Variants in DSPP observed in about 807,000 individuals in gnomAD.
DSPP encodes deafness, autosomal dominant 39.
Under a neutral mutation model 29.1 loss-of-function variants are expected in DSPP, and 28 were observed. The observed-to-expected ratio is 0.96, with a 90% CI of 0.71 to 1.32. The LOEUF is 1.32. Ranked by LOEUF, DSPP falls within the 40% of genes most tolerant of loss-of-function variation. DSPP has a pLI of 0.00. For missense variants in DSPP, 1,281 were observed against 1,629.9 expected (o/e 0.79, Z 3.69); for synonymous variants, 481 against 503.4 (o/e 0.96, Z 0.60).
At chr4:87,612,284 A>G (rs1727748870) in intron 3 of DSPP, 38 bp from the exon 4 acceptor site, 1 of 1,613,288 alleles carries the variant, frequency 6.2e-7, no homozygotes, top group Non-Finnish European at 8.5e-7. Flanking sequence ...CTTCAAGATC[A>G]TTGATACTTA....
Position 87,613,790 on chromosome 4 carries a change from A to C in DSPP, c.1128A>C (p.Ile376=). 2 of 1,614,218 alleles carry C rather than the reference A, an allele frequency of 1.2e-6. No homozygotes were observed. The highest frequency in any genetic ancestry group is 1.7e-6 in the Non-Finnish European group (2 of 1,180,012). ...HAVGKSQDKG[I]EIKGPSSGNR... is the part of the protein sequence containing the mutation. ...TTTCCTCCATCCTTCCATAGGGAAT[A>C]GAAATCAAGGGTCCCAGCAGTGGCA... Residue 376 remains isoleucine (I), a synonymous_variant, in exon 5 of 5, where the codon ATA becomes ATC. Transcript: ENST00000651931.
At chr4:87,611,060 T>TGC (rs1027349337) in intron 2 of DSPP, 101 bp downstream of exon 2, 57 of 1,147,138 alleles carry the variant, frequency 5.0e-5, no homozygotes, top group Non-Finnish European at 7.1e-5. Context: ...TGTGTGTGTG[T>TGC]GTGCATGTAC....
chr4:87,616,719 T>C lies in DSPP; in HGVS notation c.*151T>C. Reference sequence around the variant, plus strand: ...GGGGGAATCAAATCAAACAGTTGGATTCAGAACCAAGACCTAACTCCTGCA... The same window carrying C: ...GGGGGAATCAAATCAAACAGTTGGACTCAGAACCAAGACCTAACTCCTGCA... On this transcript the variant is annotated 3_prime_UTR_variant, in exon 5 of 5. Transcript: ENST00000651931. 4 of 1,338,600 alleles carry C rather than the reference T, an allele frequency of 3.0e-6. No individual in the cohort carries two copies. The highest frequency in any genetic ancestry group is 4.1e-6 in the Non-Finnish European group (4 of 973,640). The allele number at this position is 1,338,600 out of a possible 1,614,324, so 82.9% of individuals were successfully genotyped here. A position where few individuals can be genotyped will look rare whatever the true frequency, so the allele number is the denominator to read the frequency against.
At position 87,616,118 on chromosome 4, in the gene DSPP, C is replaced by G; in HGVS notation, c.3456C>G (p.Asp1152Glu). ...SDSSDSSESS[D>E]SSDSSDSSDS... The stretch of plus-strand genomic sequence containing the variant: ...GCAGTGACAGCAGTGAAAGCAGCGA[C>G]AGCAGTGACAGCAGCGACAGCAGTG... The change falls in exon 5 of 5, where the codon GAC (aspartate) becomes GAG (glutamate). Residue 1152 changes from aspartate to glutamate, a missense_variant. Coordinates refer to ENST00000651931, the MANE Select transcript of DSPP (RefSeq NM_014208.3). 6.8e-7 allele frequency: 1 copy of G among 1,472,804 alleles called. No individual in the cohort carries two copies. Among genetic ancestry groups the G allele is most frequent in the Non-Finnish European group, 9.2e-7 (1 of 1,089,126 alleles). The allele number at this position is 1,472,804 out of a possible 1,614,324, so 91.2% of individuals were successfully genotyped here. A position where few individuals can be genotyped will look rare whatever the true frequency, so the allele number is the denominator to read the frequency against.
intron 3 of DSPP, 51 bp from the exon 4 acceptor site, chr4:87,612,271 T>C (rs752435946): frequency 6.2e-7 from 1 of 1,612,956 alleles, no homozygotes; most frequent in South Asian, 1.1e-5. Flanking sequence ...GCAATTTGCT[T>C]TCCTTCAAGA....
Position 87,610,940 on chromosome 4 carries a change from C to T in DSPP, c.32C>T (p.Ala11Val). MKIITYFCIW[A>V]VAWAIPVPQS... ...ATAATTACATATTTTTGCATTTGGG[C>T]AGTAGCATGGGCCATTCCAGTAAGT... Residue 11 changes from alanine (A) to valine (V), a missense_variant, in exon 2 of 5, where the codon GCA becomes GTA. Transcript: ENST00000651931. 1 of 1,613,254 alleles carries T rather than the reference C, an allele frequency of 6.2e-7. No individual in the cohort carries two copies. Among genetic ancestry groups the T allele is most frequent in the Non-Finnish European group, 8.5e-7 (1 of 1,179,592 alleles).
At chr4:87,609,643 C>T (rs975958366) in intron 1 of DSPP, among the ~76,000 whole-genome samples, 4 of 152,140 alleles carry the variant, frequency 2.6e-5, no homozygotes, top group South Asian at 2.1e-4. Context: ...TGTGAGAAAA[C>T]GCCAGTAATT....
chr4:87,613,988 T>C lies in DSPP; in HGVS notation c.1326T>C (p.Gly442=), dbSNP rs117746821. The C allele has an allele frequency of 1.1e-3, 1,834 of 1,614,156 alleles. 43 individuals carry two copies. In the East Asian group the frequency reaches 0.036, roughly 32 times the overall value. The stretch of plus-strand genomic sequence containing the variant: ...ATAAAGTTGGACACAGCAATACAGG[T>C]AGTGACAGCAATAGTGATGGATATG... ...PGNKVGHSNT[G]SDSNSDGYDS... is the part of the protein sequence containing the mutation. The change falls in exon 5 of 5, where the codon GGT becomes GGC. Residue 442 remains glycine (G), a synonymous_variant. Transcript: ENST00000651931.
chr4:87,612,738 T>C lies in DSPP; in HGVS notation c.552T>C (p.Pro184=), dbSNP rs1727761566. 6.2e-7 allele frequency: 1 copy of C among 1,614,136 alleles called. No individual in the cohort carries two copies. The highest frequency in any genetic ancestry group is 2.2e-5 in the East Asian group (1 of 44,880). The stretch of plus-strand genomic sequence containing the variant: ...TCGCTGTTGTCCAAGAAGATGGACC[T>C]CAAGTAGCTGGAAGCAATAACAGTA... The part of the protein sequence containing the change: ...EDVAVVQEDG[P]QVAGSNNSTD... The change falls in exon 4 of 5, where the codon CCT becomes CCC. Residue 184 remains proline (P), a synonymous_variant. Coordinates refer to ENST00000651931, the MANE Select transcript of DSPP (RefSeq NM_014208.3).
chr4:87,615,570 GAT>G lies in DSPP; in HGVS notation c.2910_2911del (p.Asp970GlufsTer3). 1 of 1,539,718 alleles carries G rather than the reference GAT, an allele frequency of 6.5e-7. No individual in the cohort carries two copies. The highest frequency in any genetic ancestry group is 8.7e-7 in the Non-Finnish European group (1 of 1,143,364). ...SDSSNSSDSS[D>X]SNSSDSSDSS... ...CAGCAGCAACAGCAGTGACAGCAGT[GAT>G]AGCAATAGCAGCGACAGCAGTGACA... On this transcript the variant is annotated frameshift_variant, in exon 5 of 5. Coordinates refer to ENST00000651931, the MANE Select transcript of DSPP (RefSeq NM_014208.3). LOFTEE classifies it low-confidence loss of function (END_TRUNC).
Position 87,616,844 on chromosome 4 carries a change from T to C in DSPP, c.*276T>C. ...TGTAAATCTAAACATAAAAGAACAATTAAAATATTCTTTAATACTTCACAC... is the reference window on the plus strand; with the variant it reads ...TGTAAATCTAAACATAAAAGAACAACTAAAATATTCTTTAATACTTCACAC... On this transcript the variant is annotated 3_prime_UTR_variant, in exon 5 of 5. Transcript: ENST00000651931. 3.2e-6 allele frequency: 2 copies of C among 619,640 alleles called. No individual in the cohort carries two copies. The highest frequency in any genetic ancestry group is 6.0e-5 in the Admixed American group (2 of 33,566). The allele number at this position is 619,640 out of a possible 1,614,324, so 38.4% of individuals were successfully genotyped here.
In DSPP at chr4:87,612,832, C is replaced by G; in HGVS notation, c.646C>G (p.Gln216Glu). The G allele has an allele frequency of 1.9e-6, 3 of 1,614,098 alleles. No individual in the cohort carries two copies. Residue 216 changes from glutamine (Q) to glutamate (E), a missense_variant, in exon 4 of 5, where the codon CAG becomes GAG. Coordinates refer to ENST00000651931, the MANE Select transcript of DSPP (RefSeq NM_014208.3). ...NEGNTSEITP[Q>E]INSKRNGTKE... Reference sequence around the variant, plus strand: ...GGGTAATACAAGTGAAATAACACCTCAGATCAACAGCAAGAGAAATGGGAC... The same window carrying G: ...GGGTAATACAAGTGAAATAACACCTGAGATCAACAGCAAGAGAAATGGGAC...
At chr4:87,613,351 C>A (rs757607569) in intron 4 of DSPP, 43 bp downstream of exon 4, 2 of 1,601,662 alleles carry the variant, frequency 1.2e-6, no homozygotes, top group South Asian at 2.2e-5. Flanking sequence ...AGTTTAAATT[C>A]TTCCCCTCCA....
intron 2 of DSPP, among the ~76,000 whole-genome samples, chr4:87,611,800 C>T (rs568502987): frequency 2.0e-5 from 3 of 152,270 alleles, no homozygotes; most frequent in South Asian, 2.1e-4. Flanking sequence ...TCTATCCCCT[C>T]GTCTTTCTAC....
At position 87,614,621 on chromosome 4, in the gene DSPP, C is replaced by G. The variant is rs1159309562; in HGVS notation, c.1959C>G (p.Asn653Lys). 5 of 1,546,910 alleles carry G rather than the reference C, an allele frequency of 3.2e-6. No homozygotes were observed. The African/African-American group carries it at 5.5e-5, about 17-fold the overall frequency. ...SDSNSSDSSDNSDSSDSSNSS... is the reference protein window; with the variant it reads ...SDSNSSDSSDKSDSSDSSNSS... ...GCAACAGCAGTGACAGTAGTGACAA[C>G]AGTGATAGCAGCGACAGCAGCAATA... Residue 653 changes from asparagine (N) to lysine (K), a missense_variant, in exon 5 of 5, where the codon AAC (asparagine) becomes AAG (lysine). Asn to Lys is a moderately conservative substitution (Grantham distance 94). Coordinates refer to ENST00000651931, the MANE Select transcript of DSPP (RefSeq NM_014208.3).
chr4:87,616,678 G>A lies in DSPP; in HGVS notation c.*110G>A. On this transcript the variant is annotated 3_prime_UTR_variant, in exon 5 of 5. Transcript: ENST00000651931. ...GGGGAGAAATAAACATAAGACGTAT[G>A]TAAACAAAAACAACTGGGGGAATCA... 1 of 1,480,024 alleles carries A rather than the reference G, an allele frequency of 6.8e-7. No individual in the cohort carries two copies. The highest frequency in any genetic ancestry group is 9.1e-7 in the Non-Finnish European group (1 of 1,097,274). The allele number at this position is 1,480,024 out of a possible 1,614,324, so 91.7% of individuals were successfully genotyped here. A position where few individuals can be genotyped will look rare whatever the true frequency, so the allele number is the denominator to read the frequency against.
In DSPP at chr4:87,615,883, A is replaced by G. The variant is rs202210195; in HGVS notation, c.3221A>G (p.Asp1074Gly). 55,527 of 888,802 alleles carry G rather than the reference A, an allele frequency of 0.062. 6,034 individuals are homozygous for G. Among genetic ancestry groups the G allele is most frequent in the Middle Eastern group, 0.075 (299 of 3,968 alleles). 55.1% of individuals were successfully genotyped at this position (888,802 alleles called of 1,614,324 possible). ...AGCAGTGATAGCAGTGACAGCAGTG[A>G]CAGCAGCGACAGCAGTGATAGCAGT... ...SDSSDSSDSS[D>G]SSDSSDSSES... The change falls in exon 5 of 5, where the codon GAC (aspartate) becomes GGC (glycine). Residue 1074 changes from aspartate (D) to glycine (G), a missense_variant. This residue lies in a region of DSPP where 72 missense variants were observed against 190.3 expected (regional missense o/e 0.38). Coordinates refer to ENST00000651931, the MANE Select transcript of DSPP (RefSeq NM_014208.3).
At chr4:87,610,984 C>A in intron 2 of DSPP, 25 bp downstream of exon 2, 1 of 1,607,584 alleles carries the variant, frequency 6.2e-7, no homozygotes, top group East Asian at 2.2e-5. Context: ...CTTAGAAAAC[C>A]TCTTCACTTT....
intron 2 of DSPP, 120 bp from the exon 3 acceptor site, chr4:87,611,985 T>G (rs1727742123): frequency 1.8e-6 from 2 of 1,140,306 alleles, no homozygotes; most frequent in Admixed American, 3.9e-5. Context: ...GTGTTAAACC[T>G]TTCTTCTTCA....
Sources: gnomAD v4.1 joint callset for allele counts (sites outside exome capture counted in the v4.1 genomes callset) on GRCh38, gnomAD v4.1.1 for gene constraint, gnomAD v4.1.1 regional missense constraint, MANE v1.5 for transcripts, NCBI Gene and HGNC (gene_info 2026-07-23, HGNC 2026-07-21) for gene names.